Variants in PSPC1 observed in about 807,000 individuals in gnomAD.
PSPC1 encodes paraspeckle component 1.
In PSPC1, 14 loss-of-function variants were observed where a neutral mutation model predicts 51.6. The observed-to-expected ratio is 0.27, with a 90% CI of 0.18 to 0.42. The LOEUF (loss-of-function observed/expected upper bound fraction) is 0.42. Among genes scored for constraint, PSPC1 ranks in the 10% least tolerant of loss-of-function variants. The pLI, the probability that PSPC1 is intolerant of heterozygous loss-of-function variation, is 1.00. For synonymous variants in PSPC1, 193 were observed against 231.9 expected (o/e 0.83, Z 1.53); for missense variants, 406 against 701.1 (o/e 0.58, Z 4.75).
chr13:19,706,416 A>G (rs147539130), intron 7 of PSPC1, among the ~76,000 whole-genome samples: 3 of 151,852 alleles, frequency 2.0e-5, no homozygotes, highest in East Asian at 1.9e-4. Flanking sequence ...ATTTTGAAAT[A>G]TGGACTCTAA....
chr13:19,757,611 C>T (rs1212243453), intron 3 of PSPC1, among the ~76,000 whole-genome samples: 1 of 152,066 alleles, frequency 6.6e-6, no homozygotes, highest in East Asian at 1.9e-4. Context: ...GGACATACAC[C>T]GAGTAAATGA....
chr13:19,713,565 A>G (rs906537145), intron 6 of PSPC1, among the ~76,000 whole-genome samples: 1 of 150,538 alleles, frequency 6.6e-6, no homozygotes, highest in African/African-American at 2.4e-5. Context: ...AAAAAAAAAA[A>G]GAATTCCAAC....
rs763005763 is a variant in PSPC1, at chr13:19,782,589, G to C, written c.169C>G (p.Pro57Ala). ...ATAGTGAACCCCATCTCCTCGTCCG[G>C]GTGGTCCTCTGGAGGCGCGGGCGCG... ...PPAPAPPEDH[P>A]DEEMGFTIDI... Residue 57 changes from proline to alanine, a missense_variant, in exon 1 of 9, where the codon CCG (proline) becomes GCG (alanine). Transcript: ENST00000338910. The surrounding 1 kb of genome is among the most constrained non-coding windows in gnomAD (Gnocchi z 4.5). 6.3e-7 allele frequency: 1 copy of C among 1,596,512 alleles called. No individual in the cohort carries two copies. The highest frequency in any genetic ancestry group is 1.7e-5 in the Admixed American group (1 of 57,886).
In PSPC1 at chr13:19,782,825, A is replaced by G. The variant is rs1268299193; in HGVS notation, c.-68T>C. 2 of 1,432,194 alleles carry G rather than the reference A, an allele frequency of 1.4e-6. No homozygotes were observed. Among genetic ancestry groups the G allele is most frequent in the East Asian group, 2.7e-5 (1 of 37,630 alleles). The allele number at this position is 1,432,194 out of a possible 1,614,324, so 88.7% of individuals were successfully genotyped here. Reference sequence around the variant, plus strand: ...ATAGACAGTGTGTCTATATATATGTATACGTCTCTACATAAACCTATGCCA... The same window carrying G: ...ATAGACAGTGTGTCTATATATATGTGTACGTCTCTACATAAACCTATGCCA... On this transcript the variant is annotated 5_prime_UTR_variant, in exon 1 of 9. Transcript: ENST00000338910. The surrounding 1 kb of genome is among the most constrained non-coding windows in gnomAD (Gnocchi z 4.5).
intron 1 of PSPC1, among the ~76,000 whole-genome samples, chr13:19,775,223 G>A (rs555799046): frequency 3.3e-4 from 50 of 152,138 alleles, no homozygotes; most frequent in African/African-American, 1.0e-3. Context: ...CATGTGGCAC[G>A]GGCCTGTAGT....
intron 3 of PSPC1, among the ~76,000 whole-genome samples, chr13:19,753,217 A>G (rs575346671): frequency 7.1e-6 from 1 of 140,496 alleles, no homozygotes; most frequent in South Asian, 2.4e-4. Flanking sequence ...CGGGAGACGG[A>G]GGTTACAGTG....
At chr13:19,746,990 C>A (rs1886061595) in intron 4 of PSPC1, among the ~76,000 whole-genome samples, 1 of 152,204 alleles carries the variant, frequency 6.6e-6, no homozygotes, top group South Asian at 2.1e-4. Flanking sequence ...TGCCTGTAAT[C>A]CCAGCTACTC....
At chr13:19,761,038 A>G (rs1205987776) in intron 2 of PSPC1, among the ~76,000 whole-genome samples, 1 of 152,034 alleles carries the variant, frequency 6.6e-6, no homozygotes, top group Non-Finnish European at 1.5e-5. Context: ...TACACTACTC[A>G]GGAGGCTGAG....
At chr13:19,707,536 C>T (rs1465003382) in intron 7 of PSPC1, among the ~76,000 whole-genome samples, 1 of 152,170 alleles carries the variant, frequency 6.6e-6, no homozygotes, top group Non-Finnish European at 1.5e-5. Flanking sequence ...AATAGCTCTA[C>T]AAAACCATTA....
intron 6 of PSPC1, among the ~76,000 whole-genome samples, chr13:19,716,433 T>C (rs1420142981): frequency 6.6e-6 from 1 of 152,198 alleles, no homozygotes; most frequent in African/African-American, 2.4e-5. Context: ...GAGGTATTCA[T>C]CTAACACTTT....
intron 4 of PSPC1, among the ~76,000 whole-genome samples, chr13:19,750,288 C>T (rs1279850352): frequency 6.6e-6 from 1 of 151,814 alleles, no homozygotes; most frequent in Non-Finnish European, 1.5e-5. Flanking sequence ...AAAAACTAGC[C>T]GGACATTGTG....
intron 4 of PSPC1, among the ~76,000 whole-genome samples, chr13:19,749,044 T>C (rs1657328125): frequency 6.6e-6 from 1 of 151,530 alleles, no homozygotes; most frequent in African/African-American, 2.4e-5. Context: ...ATCCCATCTC[T>C]ACTAAAAATA....
At chr13:19,771,481 G>A (rs1450014629) in intron 2 of PSPC1, among the ~76,000 whole-genome samples, 1 of 152,098 alleles carries the variant, frequency 6.6e-6, no homozygotes, top group South Asian at 2.1e-4. Context: ...GGTCACCTAG[G>A]CTGGAGTAGA....
At chr13:19,693,005 G>A (rs1460404556) in intron 6 of PSPC1, among the ~76,000 whole-genome samples, 3 of 152,010 alleles carry the variant, frequency 2.0e-5, no homozygotes, top group Non-Finnish European at 4.4e-5. Flanking sequence ...ATCCTTACTC[G>A]CAGTCACCTA....
At chr13:19,758,097 G>A (rs913840792) in intron 3 of PSPC1, among the ~76,000 whole-genome samples, 3 of 151,624 alleles carry the variant, frequency 2.0e-5, no homozygotes, top group Admixed American at 6.6e-5. Context: ...GGTGGATCAC[G>A]AGGTCAGGAG....
intron 6 of PSPC1, among the ~76,000 whole-genome samples, chr13:19,680,404 CA>C (rs200810327): frequency 0.012 from 1,760 of 152,084 alleles, 37 homozygotes; most frequent in African/African-American, 0.039. Flanking sequence ...ACTGGTCTTA[CA>C]AAAAAAGTGA....
At chr13:19,712,464 C>A (rs1049963045) in intron 6 of PSPC1, among the ~76,000 whole-genome samples, 1 of 152,118 alleles carries the variant, frequency 6.6e-6, no homozygotes, top group African/African-American at 2.4e-5. Flanking sequence ...TAGAATAGTG[C>A]AAGCTTTATT....
At chr13:19,717,911 T>C (rs933713406) in intron 6 of PSPC1, among the ~76,000 whole-genome samples, 1 of 150,030 alleles carries the variant, frequency 6.7e-6, no homozygotes, top group Admixed American at 6.7e-5. Flanking sequence ...AGGCATGGTG[T>C]CCAGTGCCTG....
intron 4 of PSPC1, among the ~76,000 whole-genome samples, chr13:19,750,803 CTT>C (rs954627728): frequency 4.6e-5 from 7 of 151,804 alleles, no homozygotes; most frequent in Non-Finnish European, 1.0e-4. Flanking sequence ...CAGTTTTGCT[CTT>C]GTTGCCCAGG....
Sources: allele counts gnomAD v4.1 joint callset (sites outside exome capture counted in the v4.1 genomes callset), GRCh38; gene constraint gnomAD v4.1.1; non-coding constraint Gnocchi (gnomAD v3.1); transcripts MANE v1.5; gene names NCBI Gene and HGNC (gene_info 2026-07-23, HGNC 2026-07-21).